MIAT: variants seen among roughly 807,000 people sequenced by gnomAD.
MIAT encodes MI related novel mRNA.
chr22:26,674,939 A>G (rs1931204617), exon 5 of MIAT: 1 of 398,704 alleles, frequency 2.5e-6, no homozygotes, highest in African/African-American at 2.1e-5. Context: ...TTGGTGAAGT[A>G]GATAGTGATT....
intron 2 of MIAT, among the ~76,000 whole-genome samples, chr22:26,648,668 C>T (rs769190509): frequency 7.9e-5 from 12 of 151,000 alleles, no homozygotes; most frequent in African/African-American, 1.2e-4. Flanking sequence ...TTTTAAGTGC[C>T]GCTAATGTAG....
chr22:26,658,082 T>C (rs1361562282), intron 2 of MIAT: 1 of 11,950 alleles, frequency 8.4e-5, no homozygotes, highest in East Asian at 1.9e-3. Context: ...GAACTGGAGG[T>C]GGGGGTGGGG....
downstream of MIAT, chr22:26,674,042 A>G (rs570021346): frequency 5.0e-6 from 2 of 398,690 alleles, no homozygotes; most frequent in East Asian, 7.1e-5. Context: ...GCCATTTTGT[A>G]TAGAGTCACC....
At chr22:26,667,585 A>T (rs1254130809) in intron 5 of MIAT, 2 of 304,984 alleles carry the variant, frequency 6.6e-6, no homozygotes, top group Non-Finnish European at 1.2e-5. Context: ...GGAGCTTGCT[A>T]TGGGCTCCCT....
exon 6 of MIAT, chr22:26,669,181 A>G: frequency 2.5e-6 from 1 of 398,772 alleles, no homozygotes; most frequent in East Asian, 3.6e-5. Context: ...GCAAGAGAGC[A>G]GCTTGTGGCC....
chr22:26,668,448 G>C (rs768913453), exon 6 of MIAT: 1 of 398,666 alleles, frequency 2.5e-6, no homozygotes, highest in South Asian at 1.3e-4. Context: ...TCACCTGCTC[G>C]GGCCCTGCCT....
downstream of MIAT, chr22:26,671,595 C>T (rs1931049933): frequency 2.5e-6 from 1 of 398,698 alleles, no homozygotes; most frequent in Non-Finnish European, 4.4e-6. Flanking sequence ...TGGGGGCAGC[C>T]AAGGCTCCAG....
chr22:26,656,467 G>C (rs1930458044), intron 2 of MIAT, among the ~76,000 whole-genome samples: 1 of 151,196 alleles, frequency 6.6e-6, no homozygotes, highest in South Asian at 2.1e-4. Flanking sequence ...TGGGATTACA[G>C]GCACCCGCCA....
At chr22:26,664,193 G>C (rs1177872098) in intron 3 of MIAT, among the ~76,000 whole-genome samples, 1 of 151,936 alleles carries the variant, frequency 6.6e-6, no homozygotes, top group Non-Finnish European at 1.5e-5. Flanking sequence ...TATATTTTTA[G>C]TAGAGATGGG....
At chr22:26,659,998 G>C (rs1026375562) in intron 2 of MIAT, among the ~76,000 whole-genome samples, 2 of 151,330 alleles carry the variant, frequency 1.3e-5, no homozygotes, top group Non-Finnish European at 2.9e-5. Context: ...ACCATGCCCA[G>C]CTAATTTTTG....
At chr22:26,657,306 C>T (rs1034932544) in intron 2 of MIAT, 9 of 393,886 alleles carry the variant, frequency 2.3e-5, no homozygotes, top group African/African-American at 1.6e-4. Flanking sequence ...GGAGTGCTCC[C>T]TCCAAGACCG....
At chr22:26,652,192 A>G (rs901696878) in intron 2 of MIAT, among the ~76,000 whole-genome samples, 34 of 151,860 alleles carry the variant, frequency 2.2e-4, no homozygotes, top group Admixed American at 4.6e-4. Flanking sequence ...GATGCGGTGG[A>G]GCCGGGGGTC....
At chr22:26,648,411 A>G (rs1024281672) in intron 2 of MIAT, among the ~76,000 whole-genome samples, 9 of 152,144 alleles carry the variant, frequency 5.9e-5, no homozygotes, top group African/African-American at 2.2e-4. Context: ...GGCGAGGTGC[A>G]TGGAGCAGGG....
intron 2 of MIAT, among the ~76,000 whole-genome samples, chr22:26,655,150 G>A (rs535022322): frequency 6.1e-4 from 93 of 152,328 alleles, no homozygotes; most frequent in Non-Finnish European, 1.2e-3. Flanking sequence ...CACCCTGGCA[G>A]GACTGTTAAC....
chr22:26,646,718 C>G (rs146332363), exon 1 of MIAT: 17 of 398,594 alleles, frequency 4.3e-5, no homozygotes, highest in Admixed American at 4.4e-5. Context: ...ATCCCAGAAC[C>G]TGAAACACAG....
chr22:26,652,533 T>C (rs1413578249), intron 2 of MIAT, among the ~76,000 whole-genome samples: 1 of 152,084 alleles, frequency 6.6e-6, no homozygotes, highest in East Asian at 1.9e-4. Context: ...ATTTTTGTAT[T>C]TTTAGTAGAG....
chr22:26,673,108 C>A (rs936448127), downstream of MIAT: 2 of 398,526 alleles, frequency 5.0e-6, no homozygotes, highest in Admixed American at 8.8e-5. Context: ...AGCTTTACCC[C>A]GGGCTCGGAG....
downstream of MIAT, chr22:26,671,254 C>A (rs1249756592): frequency 5.0e-6 from 2 of 398,494 alleles, no homozygotes; most frequent in African/African-American, 4.1e-5. Context: ...AAGCAACATG[C>A]TTTTGGGCAG....
intron 2 of MIAT, among the ~76,000 whole-genome samples, chr22:26,649,104 T>C (rs1306694266): frequency 6.6e-6 from 1 of 152,216 alleles, no homozygotes; most frequent in Non-Finnish European, 1.5e-5. Flanking sequence ...GAGCATTTAC[T>C]GAGCAATGTG....
Sources: gnomAD v4.1 joint callset for allele counts (sites outside exome capture counted in the v4.1 genomes callset) on GRCh38, gnomAD v4.1.1 for gene constraint, MANE v1.5 for transcripts, NCBI Gene and HGNC (gene_info 2026-07-23, HGNC 2026-07-21) for gene names.